TXNRD2: variants seen among roughly 807,000 people sequenced by gnomAD.
TXNRD2 encodes thioredoxin reductase 2, also known as thioredoxin reductase 2, mitochondrial.
A neutral mutation model predicts 70.8 loss-of-function variants in TXNRD2; 67 were observed. The ratio of observed to expected loss-of-function variants is 0.95; its 90% confidence interval spans 0.78 to 1.16. The LOEUF is 1.16. Among genes scored for constraint, TXNRD2 ranks in the 50% most tolerant of loss-of-function variants. The pLI, the probability that TXNRD2 is intolerant of heterozygous loss-of-function variation, is 0.00. For synonymous variants in TXNRD2, 301 were observed against 295.8 expected (o/e 1.02, Z -0.18); for missense variants, 644 against 719.9 (o/e 0.89, Z 1.21).
intron 6 of TXNRD2, 74 bp from the exon 7 acceptor site, chr22:19,915,350 C>T: frequency 6.7e-7 from 1 of 1,503,590 alleles, no homozygotes; most frequent in Non-Finnish European, 9.1e-7. Context: ...CTGAGCACCA[C>T]AGACCTTGGC....
At chr22:19,937,056 T>C (rs11705619) in intron 1 of TXNRD2, among the ~76,000 whole-genome samples, 21,995 of 152,212 alleles carry the variant, frequency 0.14, 1,907 homozygotes, top group Non-Finnish European at 0.19. Flanking sequence ...ACAGACTCTT[T>C]GTACCGAGGT....
At chr22:19,877,365 G>T (rs1427542414) in intron 16 of TXNRD2, 131 bp from the exon 17 acceptor site, 1 of 823,170 alleles carries the variant, frequency 1.2e-6, no homozygotes, top group Non-Finnish European at 1.9e-6. Flanking sequence ...CCAGCCAGCA[G>T]CCAGGACCCC....
intron 14 of TXNRD2, 117 bp from the exon 15 acceptor site, chr22:19,878,554 T>C: frequency 1.0e-6 from 1 of 981,228 alleles, no homozygotes; most frequent in Non-Finnish European, 1.6e-6. Context: ...ACCATCCATC[T>C]GGCCTGAAGG....
chr22:19,909,874 T>TCACACACACAACCACACACCCTACTCA (rs1295818653), intron 8 of TXNRD2, among the ~76,000 whole-genome samples: 1 of 40,586 alleles, frequency 2.5e-5, no homozygotes, highest in African/African-American at 8.5e-5. Context: ...CACACACCAC[T>TCACACACACAACCACACACCCTACTCA]CACACACACC....
At position 19,940,891 on chromosome 22, in the gene TXNRD2, A is replaced by G. The variant is rs553848659; in HGVS notation, c.103+810T>C. ...TAGCACCAACTCTGCCCATTCACACACACAGTCAGCCCTCCCTCCCGAGTC... is the reference window on the plus strand; with the variant it reads ...TAGCACCAACTCTGCCCATTCACACGCACAGTCAGCCCTCCCTCCCGAGTC... On this transcript the variant is annotated intron_variant, in intron 1 of 17. Transcript: ENST00000400521. Among the ~76,000 whole-genome samples the G allele has an allele frequency of 1.2e-3, 176 of 152,106 alleles. 1 individual carries two copies. Among genetic ancestry groups the G allele is most frequent in the African/African-American group, 3.9e-3 (162 of 41,470 alleles).
At chr22:19,878,222 G>C in intron 15 of TXNRD2, 35 bp from the exon 16 acceptor site, 4 of 1,603,038 alleles carry the variant, frequency 2.5e-6, no homozygotes, top group Non-Finnish European at 3.4e-6. Context: ...CAGCCCAGGA[G>C]GGGGCTGGGT....
intron 8 of TXNRD2, among the ~76,000 whole-genome samples, chr22:19,909,524 ACACACAC>A (rs1328374209): frequency 0.011 from 1,465 of 137,518 alleles, 31 homozygotes; most frequent in South Asian, 0.074. Flanking sequence ...CCACTCACAC[ACACACAC>A]CACACACACA....
chr22:19,907,855 T>G (rs1601431976), intron 8 of TXNRD2, among the ~76,000 whole-genome samples: 2 of 39,774 alleles, frequency 5.0e-5, no homozygotes, highest in Admixed American at 3.7e-4. Flanking sequence ...GCGCCATGGG[T>G]AGCAGTGACC....
In TXNRD2 at chr22:19,880,573, G is replaced by A. The variant is rs73381902; in HGVS notation, c.1182+49C>T. 2.3e-3 allele frequency: 3,641 copies of A among 1,564,084 alleles called. 62 individuals are homozygous for A. The African/African-American group carries it at 0.043, about 19-fold the overall frequency. On this transcript the variant is annotated intron_variant, in intron 13 of 17. Transcript: ENST00000400521. ...CCCTCACCCCAGAAGAGCTAGCCTC[G>A]AACTCAGCCTGTCCTAGGCTGCACG...
chr22:19,881,182 C>G (rs1738490659), intron 12 of TXNRD2: 1 of 407,078 alleles, frequency 2.5e-6, no homozygotes, highest in Non-Finnish European at 4.3e-6. Context: ...ATAACAAATT[C>G]CAAATCAGAA....
chr22:19,901,295 G>A (rs937755466), intron 8 of TXNRD2, among the ~76,000 whole-genome samples: 1 of 152,186 alleles, frequency 6.6e-6, no homozygotes, highest in Non-Finnish European at 1.5e-5. Flanking sequence ...AGAAGCTCCC[G>A]CCTCAAGGGC....
intron 1 of TXNRD2, among the ~76,000 whole-genome samples, chr22:19,935,371 G>A (rs1740869341): frequency 6.6e-6 from 1 of 152,178 alleles, no homozygotes; most frequent in Non-Finnish European, 1.5e-5. Flanking sequence ...TTTGTGGTCA[G>A]ACTGGTTCTC....
At chr22:19,902,012 A>C (rs1446824479) in intron 8 of TXNRD2, among the ~76,000 whole-genome samples, 4 of 152,210 alleles carry the variant, frequency 2.6e-5, no homozygotes, top group African/African-American at 9.7e-5. Flanking sequence ...CAGCCTGAGC[A>C]ATACAGCTTG....
intron 8 of TXNRD2, among the ~76,000 whole-genome samples, chr22:19,909,529 CACCA>C (rs559940598): frequency 0.034 from 4,015 of 117,238 alleles, 221 homozygotes; most frequent in African/African-American, 0.12. Context: ...CACACACACA[CACCA>C]CACACACACA....
At chr22:19,897,744 A>G (rs1290681135) in intron 10 of TXNRD2, among the ~76,000 whole-genome samples, 1 of 152,178 alleles carries the variant, frequency 6.6e-6, no homozygotes, top group African/African-American at 2.4e-5. Flanking sequence ...TACTAATGGG[A>G]CGACCCGGAG....
At chr22:19,928,286 T>C (rs1941227711) in intron 2 of TXNRD2, among the ~76,000 whole-genome samples, 1 of 152,024 alleles carries the variant, frequency 6.6e-6, no homozygotes, top group South Asian at 2.1e-4. Context: ...TTCACAGCAA[T>C]ACTGTCCACA....
chr22:19,906,681 G>C (rs1940030622), intron 8 of TXNRD2, among the ~76,000 whole-genome samples: 2 of 152,142 alleles, frequency 1.3e-5, no homozygotes, highest in African/African-American at 4.8e-5. Context: ...TGATTGGTGT[G>C]ACAACAGAAA....
Position 19,880,179 on chromosome 22 carries a change from C to T in TXNRD2, c.1275G>A (p.Glu425=). ...CAGCTGTGCTGCTCCCAGGCCTCAC[C>T]TCAACATGCTCCTGCCCGTGGCGAG... ...AVARHGQEHV[E]VYHAHYKPLE... The change falls in exon 14 of 18, where the codon GAG becomes GAA. Residue 425 remains glutamate, a splice_region_variant and synonymous_variant. Transcript: ENST00000400521. The T allele has an allele frequency of 6.2e-7, 1 of 1,613,022 alleles. No homozygotes were observed. Among genetic ancestry groups the T allele is most frequent in the African/African-American group, 1.3e-5 (1 of 75,062 alleles).
At chr22:19,920,109 G>C (rs554104275) in intron 2 of TXNRD2, among the ~76,000 whole-genome samples, 19 of 152,328 alleles carry the variant, frequency 1.2e-4, no homozygotes, top group Non-Finnish European at 2.2e-4. Flanking sequence ...CTCACTCTCA[G>C]GACCAGGACA....
Sources: gnomAD v4.1 joint callset for allele counts (sites outside exome capture counted in the v4.1 genomes callset) on GRCh38, gnomAD v4.1.1 for gene constraint, MANE v1.5 for transcripts, NCBI Gene and HGNC (gene_info 2026-07-23, HGNC 2026-07-21) for gene names.